The following CARMIL1 variants were observed in gnomAD, a reference collection of about 807,000 sequenced individuals.
CARMIL1 encodes the protein F-actin-uncapping protein LRRC16A.
A neutral mutation model predicts 177.1 loss-of-function variants in CARMIL1; 90 were observed. The ratio of observed to expected loss-of-function variants is 0.51; its 90% CI spans 0.43 to 0.61. The LOEUF (loss-of-function observed/expected upper bound fraction) is 0.61. CARMIL1 is among the 20% of genes least tolerant of loss of function. CARMIL1 has a pLI of 0.00. For missense variants in CARMIL1, 1,380 were observed against 1,667.0 expected, an observed-to-expected ratio of 0.83 and a Z score of 3.00; for synonymous variants, 577 against 606.2, an observed-to-expected ratio of 0.95 and a Z score of 0.71.
At chr6:25,293,817 G>A (rs1253098642) in intron 2 of CARMIL1, among the ~76,000 whole-genome samples, 3 of 152,026 alleles carry the variant, frequency 2.0e-5, no homozygotes, top group Admixed American at 2.0e-4. Flanking sequence ...TGCCACCCAG[G>A]CTCAAGTGAT....
chr6:25,390,645 AAAC>A (rs1269559940), intron 2 of CARMIL1, among the ~76,000 whole-genome samples: 2 of 151,976 alleles, frequency 1.3e-5, no homozygotes, highest in African/African-American at 2.4e-5. Context: ...TATGTTTTAA[AAAC>A]AACCTAGGCA....
chr6:25,297,430 A>C (rs2690129), intron 2 of CARMIL1, among the ~76,000 whole-genome samples: 76,673 of 152,020 alleles, frequency 0.5, 19,478 homozygotes, highest in Middle Eastern at 0.56. Flanking sequence ...AAACTTTTGG[A>C]GTTTAAATAG....
At chr6:25,579,310 CTTTA>C (rs770023564) in intron 29 of CARMIL1, among the ~76,000 whole-genome samples, 4 of 149,316 alleles carry the variant, frequency 2.7e-5, no homozygotes, top group African/African-American at 9.8e-5. Flanking sequence ...CATCTTTCCT[CTTTA>C]TTTGTGACAA....
intron 3 of CARMIL1, among the ~76,000 whole-genome samples, chr6:25,421,304 C>G (rs1031609946): frequency 1.3e-5 from 2 of 152,026 alleles, no homozygotes; most frequent in African/African-American, 4.8e-5. Flanking sequence ...CAGAGAAATG[C>G]AAATCAAAAC....
In CARMIL1 at chr6:25,515,536, C is replaced by T. The variant is rs906598804; in HGVS notation, c.1633-139C>T. 1.3e-5 allele frequency: 9 copies of T among 708,236 alleles called. No homozygotes were observed. Among genetic ancestry groups the T allele is most frequent in the African/African-American group, 1.8e-5 (1 of 55,480 alleles). 43.9% of individuals were successfully genotyped at this position (708,236 alleles called of 1,614,324 possible). The stretch of plus-strand genomic sequence containing the variant: ...TGCCAGAACCTTAAGTTTCTATCCA[C>T]GAGTGTCTTTTAGGTAGTAGTTCTA... On this transcript the variant is annotated intron_variant, in intron 20 of 36. Coordinates refer to ENST00000329474, the MANE Select transcript of CARMIL1 (RefSeq NM_017640.6). This position sits in a 1 kb window ranked among gnomAD's most constrained non-coding sequence, Gnocchi z 5.0.
intron 31 of CARMIL1, among the ~76,000 whole-genome samples, chr6:25,589,444 A>G (rs1002266022): frequency 4.6e-5 from 7 of 152,208 alleles, no homozygotes; most frequent in Non-Finnish European, 1.0e-4. Flanking sequence ...GGCACCCAAG[A>G]CAAAATAGAG....
chr6:25,446,417 T>C (rs1261855794), intron 5 of CARMIL1, among the ~76,000 whole-genome samples: 2 of 152,258 alleles, frequency 1.3e-5, no homozygotes, highest in Non-Finnish European at 2.9e-5. Flanking sequence ...ACTTTTACGT[T>C]ATGGAGACAA....
intron 33 of CARMIL1, among the ~76,000 whole-genome samples, chr6:25,601,709 T>C (rs1815422385): frequency 6.6e-6 from 1 of 152,206 alleles, no homozygotes; most frequent in African/African-American, 2.4e-5. Flanking sequence ...AACTTCATAG[T>C]TTAAAATTTG....
chr6:25,436,660 G>T (rs528977011), intron 5 of CARMIL1, among the ~76,000 whole-genome samples: 136 of 152,262 alleles, frequency 8.9e-4, no homozygotes, highest in African/African-American at 3.2e-3. Flanking sequence ...ACAGCCCTTC[G>T]CAGGGCTCTC....
rs990640261 is a variant in CARMIL1, at chr6:25,563,879, T to G, written c.2742+7029T>G. 4.7e-5 allele frequency: 46 copies of G among 985,338 alleles called. No individual in the cohort carries two copies. In the African/African-American group the frequency reaches 7.8e-4, roughly 17 times the overall value. 61.0% of individuals were successfully genotyped at this position (985,338 alleles called of 1,614,324 possible). On this transcript the variant is annotated intron_variant, in intron 29 of 36. Transcript: ENST00000329474. ...ATGAGGTCATCAAGAAAGGCTTAAA[T>G]TCATACAGGTTACATCTTTCAAACC... is the stretch of plus-strand genomic sequence containing the variant.
intron 5 of CARMIL1, among the ~76,000 whole-genome samples, chr6:25,442,048 A>C (rs1797823573): frequency 7.2e-5 from 11 of 152,216 alleles, no homozygotes; most frequent in Admixed American, 7.2e-4. Context: ...TTTGCAAAGC[A>C]GTAGGTAGCC....
At chr6:25,481,145 G>T (rs1413910077) in intron 11 of CARMIL1, among the ~76,000 whole-genome samples, 1 of 150,992 alleles carries the variant, frequency 6.6e-6, no homozygotes, top group African/African-American at 2.4e-5. Context: ...TATCAAGGCT[G>T]CCCTCTTTTT....
intron 16 of CARMIL1, among the ~76,000 whole-genome samples, chr6:25,498,424 G>T (rs939605795): frequency 1.3e-5 from 2 of 152,070 alleles, no homozygotes; most frequent in Non-Finnish European, 2.9e-5. Context: ...TTTTACTAGG[G>T]ACAGTTTCTA....
At chr6:25,567,607 T>C (rs1811669320) in intron 29 of CARMIL1, among the ~76,000 whole-genome samples, 1 of 152,178 alleles carries the variant, frequency 6.6e-6, no homozygotes, top group African/African-American at 2.4e-5. Flanking sequence ...TTTAACCAAA[T>C]ATTCTCTGAG....
chr6:25,398,389 T>C (rs1193937799), intron 2 of CARMIL1, among the ~76,000 whole-genome samples: 1 of 152,228 alleles, frequency 6.6e-6, no homozygotes, highest in African/African-American at 2.4e-5. Flanking sequence ...GTAATGGATA[T>C]TTCTCTTGTC....
At chr6:25,415,473 C>A (rs6912017) in intron 2 of CARMIL1, among the ~76,000 whole-genome samples, 29 of 138,986 alleles carry the variant, frequency 2.1e-4, no homozygotes, top group South Asian at 9.9e-4. Flanking sequence ...CCCCACCCCC[C>A]ACCCCCACTC....
chr6:25,338,125 C>T (rs530293127), intron 2 of CARMIL1, among the ~76,000 whole-genome samples: 58 of 152,138 alleles, frequency 3.8e-4, no homozygotes, highest in African/African-American at 1.4e-3. Context: ...GGCGTGGTGG[C>T]GCATGCCTAT....
intron 2 of CARMIL1, among the ~76,000 whole-genome samples, chr6:25,303,425 T>A (rs1437787534): frequency 6.6e-6 from 1 of 152,306 alleles, no homozygotes; most frequent in East Asian, 1.9e-4. Context: ...ACAGACTCTG[T>A]TCCCAAGATA....
At chr6:25,433,465 A>G (rs1255539338) in intron 4 of CARMIL1, among the ~76,000 whole-genome samples, 1 of 152,202 alleles carries the variant, frequency 6.6e-6, no homozygotes, top group East Asian at 1.9e-4. Flanking sequence ...ATGCACAGAT[A>G]TGTGCATATG....
Sources: gnomAD v4.1 joint callset for allele counts (sites outside exome capture counted in the v4.1 genomes callset) on GRCh38, gnomAD v4.1.1 for gene constraint, Gnocchi (gnomAD v3.1) non-coding constraint, MANE v1.5 for transcripts, NCBI Gene and HGNC (gene_info 2026-07-23, HGNC 2026-07-21) for gene names.